The following NTM variants were observed in gnomAD, a reference collection of about 807,000 sequenced individuals.
NTM encodes the protein neurotrimin, also known as IgLON family member 2.
NTM carries 13 observed loss-of-function variants against 42.1 expected under a neutral mutation model. The ratio of observed to expected loss-of-function variants is 0.31; its 90% confidence interval spans 0.20 to 0.49. The LOEUF is 0.49. Among genes scored for constraint, NTM ranks in the 20% least tolerant of loss-of-function variants. The probability of loss-of-function intolerance (pLI) is 0.99; values close to 1 mark genes in which losing one functional copy is unlikely to be tolerated. For synonymous variants in NTM, 187 were observed against 179.2 expected (o/e 1.04, Z -0.35); for missense variants, 373 against 452.8 (o/e 0.82, Z 1.60).
chr11:132,102,447 T>A (rs1050809272), intron 2 of NTM, among the ~76,000 whole-genome samples: 1 of 152,170 alleles, frequency 6.6e-6, no homozygotes, highest in East Asian at 1.9e-4. Flanking sequence ...TGGATCTGTC[T>A]TGGGACACAC....
chr11:131,501,707 G>A (rs906631786), intron 1 of NTM, among the ~76,000 whole-genome samples: 7 of 152,076 alleles, frequency 4.6e-5, no homozygotes, highest in African/African-American at 7.2e-5. Context: ...TGAGTGTGCT[G>A]TAAAGGTCCA....
chr11:131,478,578 T>C (rs1953207898), intron 1 of NTM, among the ~76,000 whole-genome samples: 1 of 152,182 alleles, frequency 6.6e-6, no homozygotes, highest in Non-Finnish European at 1.5e-5. Flanking sequence ...ACACCATTGC[T>C]AAATGAATGA....
At chr11:131,726,250 T>A (rs150494744) in intron 1 of NTM, among the ~76,000 whole-genome samples, 104 of 152,314 alleles carry the variant, frequency 6.8e-4, no homozygotes, top group African/African-American at 2.4e-3. Context: ...CGACCCTATC[T>A]TTTTTGTGGC....
At chr11:131,445,463 C>T (rs544618843) in intron 1 of NTM, among the ~76,000 whole-genome samples, 2 of 152,260 alleles carry the variant, frequency 1.3e-5, no homozygotes, top group South Asian at 4.2e-4. Context: ...AAGACAAGAC[C>T]TGGGGATCAC....
chr11:131,519,372 C>T (rs564072655), intron 1 of NTM, among the ~76,000 whole-genome samples: 484 of 150,944 alleles, frequency 3.2e-3, no homozygotes, highest in African/African-American at 0.011. Context: ...GAGAGGTGAA[C>T]CTGCTTGTTA....
At chr11:132,045,238 T>C (rs2077822342) in intron 2 of NTM, among the ~76,000 whole-genome samples, 1 of 152,092 alleles carries the variant, frequency 6.6e-6, no homozygotes, top group Admixed American at 6.6e-5. Context: ...TGTTAAAGGG[T>C]TAAGTGCTGG....
At chr11:131,959,356 A>C (rs1299467517) in intron 2 of NTM, among the ~76,000 whole-genome samples, 1 of 152,176 alleles carries the variant, frequency 6.6e-6, no homozygotes, top group Non-Finnish European at 1.5e-5. Flanking sequence ...GGCCAGGCAT[A>C]GTTGCTCACA....
rs80354236 is a variant in NTM at position 131,625,944 on chromosome 11, C to T, written c.82+255056C>T. Among the ~76,000 whole-genome samples the T allele has an allele frequency of 3.9e-3, 595 of 152,282 alleles. 5 individuals carry two copies. Among genetic ancestry groups the T allele is most frequent in the African/African-American group, 0.013 (554 of 41,550 alleles). The stretch of plus-strand genomic sequence containing the variant: ...TGTTCCATTGTGTGAATATGCTACA[C>T]ATTATTTTATGTACTGTACTTTCGA... On this transcript the variant is annotated intron_variant, in intron 1 of 8. Transcript: ENST00000683400.
intron 2 of NTM, among the ~76,000 whole-genome samples, chr11:132,037,594 A>AG (rs754179978): frequency 2.0e-5 from 3 of 152,136 alleles, no homozygotes; most frequent in Non-Finnish European, 4.4e-5. Flanking sequence ...AACAGAGGTC[A>AG]TGGGATGAGG....
At chr11:131,808,512 GT>G (rs1293984239) in intron 1 of NTM, among the ~76,000 whole-genome samples, 3 of 152,194 alleles carry the variant, frequency 2.0e-5, no homozygotes, top group African/African-American at 7.2e-5. Flanking sequence ...AGCCATATCT[GT>G]TAAAAATAAG....
chr11:132,310,085 C>T (rs769868188), intron 5 of NTM, 27 bp from the exon 6 acceptor site: 69 of 1,527,604 alleles, frequency 4.5e-5, no homozygotes, highest in Admixed American at 3.7e-4. Context: ...GGTGGGGGGG[C>T]GGCTATGAGA....
chr11:132,286,367 A>T (rs893249749), intron 4 of NTM, among the ~76,000 whole-genome samples: 1 of 152,194 alleles, frequency 6.6e-6, no homozygotes, highest in Non-Finnish European at 1.5e-5. Flanking sequence ...AGTTCTTTTC[A>T]AATGGGATTG....
At chr11:132,283,861 A>G (rs999984000) in intron 4 of NTM, among the ~76,000 whole-genome samples, 6 of 152,150 alleles carry the variant, frequency 3.9e-5, no homozygotes, top group South Asian at 2.1e-4. Context: ...CAGAGGAGAC[A>G]CTAAGCTCTT....
At chr11:131,561,967 G>A (rs2056289304) in intron 1 of NTM, among the ~76,000 whole-genome samples, 1 of 152,186 alleles carries the variant, frequency 6.6e-6, no homozygotes, top group Non-Finnish European at 1.5e-5. Flanking sequence ...ACTGAATAAA[G>A]AAATTTGGAA....
chr11:132,050,161 G>A (rs1381244688), intron 2 of NTM, among the ~76,000 whole-genome samples: 3 of 152,174 alleles, frequency 2.0e-5, no homozygotes, highest in Admixed American at 6.5e-5. Context: ...GGGGAAGGGA[G>A]AAGGGTGAGG....
intron 4 of NTM, among the ~76,000 whole-genome samples, chr11:132,235,901 T>C (rs1248790984): frequency 6.6e-6 from 1 of 152,144 alleles, no homozygotes; most frequent in South Asian, 2.1e-4. Flanking sequence ...TGATCTGCCA[T>C]TGCTGTGACC....
chr11:131,628,279 T>C (rs995127974), intron 1 of NTM, among the ~76,000 whole-genome samples: 5 of 152,220 alleles, frequency 3.3e-5, no homozygotes, highest in Non-Finnish European at 7.3e-5. Flanking sequence ...CAGTAATTAA[T>C]TAACTTCTCT....
At chr11:131,784,757 C>A (rs960044050) in intron 1 of NTM, among the ~76,000 whole-genome samples, 1 of 152,174 alleles carries the variant, frequency 6.6e-6, no homozygotes, top group Non-Finnish European at 1.5e-5. Flanking sequence ...CATTTTATCA[C>A]GTGCAAAATA....
chr11:132,324,511 T>G lies in NTM; in HGVS notation c.935-5642T>G, dbSNP rs1417607597. On this transcript the variant is annotated intron_variant, in intron 7 of 8. Transcript: ENST00000683400. ...AGGAGAACTACAAACCACTGCTCAA[T>G]GAAATCAAAGAGGATACAAACAAAT... is the stretch of plus-strand genomic sequence containing the variant. 1.1e-4 allele frequency among the ~76,000 whole-genome samples: 16 copies of G among 151,680 alleles called. No homozygotes were observed. The East Asian group carries it at 1.5e-3, about 15-fold the overall frequency.
Sources: gnomAD v4.1 joint callset for allele counts (sites outside exome capture counted in the v4.1 genomes callset) on GRCh38, gnomAD v4.1.1 for gene constraint, MANE v1.5 for transcripts, NCBI Gene and HGNC (gene_info 2026-07-23, HGNC 2026-07-21) for gene names.